Variants in MGAT4C observed in about 807,000 individuals in gnomAD.
MGAT4C encodes the protein alpha-1,3-mannosyl-glycoprotein 4-beta-N-acetylglucosaminyltransferase C.
A neutral mutation model predicts 40.1 loss-of-function variants in MGAT4C; 19 were observed. The ratio of observed to expected loss-of-function variants is 0.47; its 90% CI spans 0.33 to 0.70. The LOEUF is 0.70. Among genes scored for constraint, MGAT4C ranks in the 30% least tolerant of loss-of-function variants. The probability of loss-of-function intolerance (pLI) is 0.02; values close to 1 mark genes in which losing one functional copy is unlikely to be tolerated. For synonymous variants in MGAT4C, 181 were observed against 187.1 expected (o/e 0.97, Z 0.27); for missense variants, 491 against 563.2 (o/e 0.87, Z 1.30).
At chr12:86,130,869 T>A (rs559002973) in intron 1 of MGAT4C, among the ~76,000 whole-genome samples, 1 of 152,052 alleles carries the variant, frequency 6.6e-6, no homozygotes, top group South Asian at 2.1e-4. Context: ...TGCACAATAC[T>A]ACCTAACCAT....
At chr12:86,376,665 T>C (rs925346405) in intron 3 of MGAT4C, among the ~76,000 whole-genome samples, 1 of 151,934 alleles carries the variant, frequency 6.6e-6, no homozygotes, top group African/African-American at 2.4e-5. Context: ...AACATAAGTA[T>C]TTAACAAAAA....
At chr12:86,316,101 A>G in intron 4 of MGAT4C, among the ~76,000 whole-genome samples, 1 of 149,400 alleles carries the variant, frequency 6.7e-6, no homozygotes, top group African/African-American at 2.4e-5. Flanking sequence ...AAAAAAAAAA[A>G]AAAAAATGGA....
chr12:86,263,654 T>C (rs1162837367), intron 4 of MGAT4C, among the ~76,000 whole-genome samples: 1 of 152,212 alleles, frequency 6.6e-6, no homozygotes, highest in Non-Finnish European at 1.5e-5. Context: ...AGATATCTTT[T>C]TGATTCATTG....
chr12:86,083,141 C>A (rs915706925), intron 1 of MGAT4C, among the ~76,000 whole-genome samples: 1 of 151,984 alleles, frequency 6.6e-6, no homozygotes, highest in African/African-American at 2.4e-5. Context: ...TGCTCCATTG[C>A]CATTTAAATA....
chr12:86,670,244 C>T (rs1383711501), intron 2 of MGAT4C, among the ~76,000 whole-genome samples: 1 of 151,820 alleles, frequency 6.6e-6, no homozygotes, highest in Non-Finnish European at 1.5e-5. Context: ...ATGAAAAATT[C>T]AACAAATGGA....
chr12:86,478,338 T>C (rs1957877428), intron 2 of MGAT4C, among the ~76,000 whole-genome samples: 2 of 152,254 alleles, frequency 1.3e-5, no homozygotes, highest in Non-Finnish European at 1.5e-5. Flanking sequence ...TTAGACACAA[T>C]AGTATGTAGT....
intron 1 of MGAT4C, among the ~76,000 whole-genome samples, chr12:86,171,792 GAA>G (rs1296443935): frequency 6.6e-6 from 1 of 152,106 alleles, no homozygotes; most frequent in Non-Finnish European, 1.5e-5. Flanking sequence ...TCATACTTCT[GAA>G]ACTTCATAAA....
chr12:86,625,694 T>C (rs1416715855), intron 2 of MGAT4C, among the ~76,000 whole-genome samples: 1 of 152,130 alleles, frequency 6.6e-6, no homozygotes, highest in African/African-American at 2.4e-5. Context: ...CTAAGTTGAC[T>C]ATAGTAAGTT....
intron 2 of MGAT4C, among the ~76,000 whole-genome samples, chr12:86,447,583 G>A (rs558949381): frequency 5.3e-5 from 8 of 151,864 alleles, no homozygotes; most frequent in Non-Finnish European, 1.2e-4. Flanking sequence ...TACATAGACA[G>A]TAAAATAAGT....
chr12:86,003,516 G>C (rs1371509219), intron 2 of MGAT4C, among the ~76,000 whole-genome samples: 1 of 152,092 alleles, frequency 6.6e-6, no homozygotes, highest in Non-Finnish European at 1.5e-5. Context: ...TTTGGTTTTT[G>C]CTTTTGTGAT....
intron 1 of MGAT4C, among the ~76,000 whole-genome samples, chr12:86,150,480 G>A (rs1305662835): frequency 6.6e-6 from 1 of 152,130 alleles, no homozygotes; most frequent in African/African-American, 2.4e-5. Flanking sequence ...AATCACTTGT[G>A]TTAGTTTGCA....
At chr12:86,594,211 T>A (rs1408590352) in intron 2 of MGAT4C, among the ~76,000 whole-genome samples, 1 of 152,158 alleles carries the variant, frequency 6.6e-6, no homozygotes, top group African/African-American at 2.4e-5. Flanking sequence ...ATTGCTGATA[T>A]CTTACCCTCC....
intron 2 of MGAT4C, among the ~76,000 whole-genome samples, chr12:86,010,445 T>C (rs10863143): frequency 0.26 from 38,840 of 152,064 alleles, 5,647 homozygotes; most frequent in Non-Finnish European, 0.33. Context: ...CTTTGGAGGC[T>C]GAGGCGGGCA....
chr12:86,321,863 C>T (rs1472733775), intron 4 of MGAT4C, among the ~76,000 whole-genome samples: 1 of 152,056 alleles, frequency 6.6e-6, no homozygotes, highest in Non-Finnish European at 1.5e-5. Context: ...CCCAGGCATC[C>T]CATTACTGGG....
chr12:86,726,120 A>G (rs925197412), intron 2 of MGAT4C, among the ~76,000 whole-genome samples: 1 of 152,194 alleles, frequency 6.6e-6, no homozygotes, highest in African/African-American at 2.4e-5. Flanking sequence ...TACAACAGAA[A>G]CATCATCTAT....
intron 2 of MGAT4C, among the ~76,000 whole-genome samples, chr12:86,462,546 T>C (rs1057000756): frequency 4.6e-5 from 7 of 152,150 alleles, no homozygotes; most frequent in African/African-American, 1.4e-4. Context: ...TTAAGGAGTA[T>C]TGACTCACAC....
At chr12:86,511,308 A>G (rs1958577961) in intron 2 of MGAT4C, among the ~76,000 whole-genome samples, 1 of 152,182 alleles carries the variant, frequency 6.6e-6, no homozygotes, top group East Asian at 1.9e-4. Flanking sequence ...CAAAGACACA[A>G]CATACCAGAA....
chr12:86,291,958 T>C (rs139239163), intron 4 of MGAT4C, among the ~76,000 whole-genome samples: 85 of 152,334 alleles, frequency 5.6e-4, no homozygotes, highest in African/African-American at 1.9e-3. Flanking sequence ...GGACTCACAG[T>C]TAAAGCTATG....
rs1882852307 is a variant in MGAT4C, at chr12:85,957,418, C to A, written c.*21871G>T. On this transcript the variant is annotated 3_prime_UTR_variant, in exon 5 of 5. Coordinates refer to ENST00000611864, the MANE Select transcript of MGAT4C (RefSeq NM_001351288.2). Reference sequence around the variant, plus strand: ...ATGCATACAGAAATTGTCCCTCTAGCCTTCCTTTCATGACATGCATGAACT... The same window carrying A: ...ATGCATACAGAAATTGTCCCTCTAGACTTCCTTTCATGACATGCATGAACT... 6.6e-6 allele frequency: 1 copy of A among 152,032 alleles called. No homozygotes were observed. The highest frequency in any genetic ancestry group is 2.4e-5 in the African/African-American group (1 of 41,396). 9.4% of individuals were successfully genotyped at this position (152,032 alleles called of 1,614,324 possible). A position where few individuals can be genotyped will look rare whatever the true frequency, so the allele number is the denominator to read the frequency against.
Sources: allele counts gnomAD v4.1 joint callset (sites outside exome capture counted in the v4.1 genomes callset), GRCh38; gene constraint gnomAD v4.1.1; transcripts MANE v1.5; gene names NCBI Gene and HGNC (gene_info 2026-07-23, HGNC 2026-07-21).